PTPRT: variants seen among roughly 807,000 people sequenced by gnomAD.
PTPRT encodes protein tyrosine phosphatase receptor type T.
Under a neutral mutation model 176.8 loss-of-function variants are expected in PTPRT, and 56 were observed. The ratio of observed to expected loss-of-function variants is 0.32; its 90% CI spans 0.26 to 0.40. PTPRT has a LOEUF of 0.40. PTPRT is among the 10% of genes least tolerant of loss of function. PTPRT has a pLI of 1.00. For missense variants in PTPRT, 1,540 were observed against 1,908.2 expected (o/e 0.81, Z 3.60); for synonymous variants, 783 against 739.0 (o/e 1.06, Z -0.96).
intron 1 of PTPRT, among the ~76,000 whole-genome samples, chr20:43,159,482 T>C (rs762464233): frequency 5.3e-5 from 8 of 152,352 alleles, no homozygotes; most frequent in Middle Eastern, 3.4e-3. Context: ...TTCTCAGAGT[T>C]GGCATGAGGA....
chr20:43,129,613 C>CTTTTTTTTTTTTTTT (rs869293740), intron 1 of PTPRT, among the ~76,000 whole-genome samples: 2 of 87,296 alleles, frequency 2.3e-5, no homozygotes, highest in African/African-American at 9.2e-5. Flanking sequence ...CCAAAGAGTT[C>CTTTTTTTTTTTTTTT]TTTTTTTTTT....
At position 42,143,904 on chromosome 20, in the gene PTPRT, T is replaced by C. The variant is rs6029996; in HGVS notation, c.2683-1902A>G. 2.7e-3 allele frequency among the ~76,000 whole-genome samples: 408 copies of C among 152,346 alleles called. 5 individuals are homozygous for C. The highest frequency in any genetic ancestry group is 9.2e-3 in the African/African-American group (384 of 41,588). On this transcript the variant is annotated intron_variant, in intron 17 of 30. Transcript: ENST00000373187. ...CCTTAGAGTTATCCCACCATGGGGT[T>C]GGCACAAAGTTGGGGTAGTTACTGA...
At chr20:43,099,776 CA>C (rs1443208498) in intron 1 of PTPRT, among the ~76,000 whole-genome samples, 1 of 152,222 alleles carries the variant, frequency 6.6e-6, no homozygotes, top group African/African-American at 2.4e-5. Flanking sequence ...GCTGCCATCA[CA>C]GCCTGCAACA....
chr20:42,656,516 A>G (rs1470586947), intron 7 of PTPRT, among the ~76,000 whole-genome samples: 1 of 152,220 alleles, frequency 6.6e-6, no homozygotes, highest in Non-Finnish European at 1.5e-5. Context: ...ATGTCAACTC[A>G]TAATAGCTAT....
At chr20:42,149,800 C>A (rs1989043264) in intron 17 of PTPRT, among the ~76,000 whole-genome samples, 1 of 152,076 alleles carries the variant, frequency 6.6e-6, no homozygotes, top group African/African-American at 2.4e-5. Flanking sequence ...GTCACTGGAA[C>A]CTTCTTTATC....
chr20:42,761,251 AT>A (rs2076911459), intron 5 of PTPRT, among the ~76,000 whole-genome samples: 2 of 151,582 alleles, frequency 1.3e-5, no homozygotes, highest in Non-Finnish European at 2.9e-5. Context: ...CCTGACCAAC[AT>A]GGAGAAACCC....
chr20:42,522,037 C>T (rs2072186222), intron 7 of PTPRT, among the ~76,000 whole-genome samples: 1 of 151,826 alleles, frequency 6.6e-6, no homozygotes. Flanking sequence ...AATAGTACAA[C>T]AAGAACTTTT....
intron 6 of PTPRT, among the ~76,000 whole-genome samples, chr20:42,750,760 T>C (rs1198994094): frequency 6.6e-6 from 1 of 152,190 alleles, no homozygotes; most frequent in African/African-American, 2.4e-5. Flanking sequence ...TAACTTTGGT[T>C]GCAGACACTC....
chr20:42,935,105 T>C (rs1980098284), intron 1 of PTPRT, among the ~76,000 whole-genome samples: 1 of 147,982 alleles, frequency 6.8e-6, no homozygotes, highest in Non-Finnish European at 1.5e-5. Context: ...CACAACCTTT[T>C]GCAACCTAAT....
chr20:42,805,218 ATG>A (rs2077588358), intron 2 of PTPRT, among the ~76,000 whole-genome samples: 2 of 152,154 alleles, frequency 1.3e-5, no homozygotes, highest in South Asian at 4.1e-4. Flanking sequence ...ACAGCCACAC[ATG>A]TCTTGAGGTA....
intron 7 of PTPRT, among the ~76,000 whole-genome samples, chr20:42,542,069 GTTCCCC>G (rs1216298378): frequency 6.6e-6 from 1 of 152,128 alleles, no homozygotes; most frequent in African/African-American, 2.4e-5. Context: ...TAAAGGGGCA[GTTCCCC>G]TGCACATGCT....
At chr20:42,869,979 C>T (rs921643278) in intron 2 of PTPRT, among the ~76,000 whole-genome samples, 3 of 152,076 alleles carry the variant, frequency 2.0e-5, no homozygotes, top group African/African-American at 7.2e-5. Context: ...GCATTCAAGC[C>T]ACCATCTTTG....
intron 1 of PTPRT, among the ~76,000 whole-genome samples, chr20:43,161,288 G>A (rs750338536): frequency 9.2e-5 from 14 of 152,158 alleles, no homozygotes; most frequent in East Asian, 7.7e-4. Flanking sequence ...TTCTGCTTGC[G>A]TTTTTCGTAG....
intron 16 of PTPRT, among the ~76,000 whole-genome samples, chr20:42,186,757 G>A (rs1346705595): frequency 6.6e-6 from 1 of 152,080 alleles, no homozygotes; most frequent in Non-Finnish European, 1.5e-5. Context: ...TGACACGGAT[G>A]GATATGAGGA....
intron 1 of PTPRT, among the ~76,000 whole-genome samples, chr20:43,144,465 G>C (rs891363881): frequency 3.3e-5 from 5 of 152,054 alleles, no homozygotes; most frequent in Non-Finnish European, 7.4e-5. Context: ...TCCCAACAAG[G>C]TCACCAACAT....
At chr20:42,289,341 TA>T (rs1224421381) in intron 12 of PTPRT, among the ~76,000 whole-genome samples, 8 of 151,510 alleles carry the variant, frequency 5.3e-5, no homozygotes. Context: ...ATCAACAGAG[TA>T]AACCTACAGA....
At chr20:42,792,024 A>T (rs2077383275) in intron 2 of PTPRT, among the ~76,000 whole-genome samples, 1 of 152,192 alleles carries the variant, frequency 6.6e-6, no homozygotes, top group Non-Finnish European at 1.5e-5. Flanking sequence ...AAAGGTTAAA[A>T]TGTGCTTGCC....
chr20:42,693,486 T>C (rs973268798), intron 6 of PTPRT, among the ~76,000 whole-genome samples: 2 of 152,058 alleles, frequency 1.3e-5, no homozygotes, highest in Non-Finnish European at 2.9e-5. Context: ...ATTAAGAAAA[T>C]GAGGTATTAA....
At chr20:43,183,844 G>C (rs1478711062) in intron 1 of PTPRT, among the ~76,000 whole-genome samples, 1 of 152,226 alleles carries the variant, frequency 6.6e-6, no homozygotes, top group African/African-American at 2.4e-5. Context: ...CCCATCCATG[G>C]CGTAGCCTGT....
Sources: gnomAD v4.1 joint callset for allele counts (sites outside exome capture counted in the v4.1 genomes callset) on GRCh38, gnomAD v4.1.1 for gene constraint, MANE v1.5 for transcripts, NCBI Gene and HGNC (gene_info 2026-07-23, HGNC 2026-07-21) for gene names.